The following PALLD variants were observed in gnomAD, a reference collection of about 807,000 sequenced individuals.
PALLD encodes palladin.
In PALLD, 61 loss-of-function variants were observed where a neutral mutation model predicts 123.5. The observed-to-expected ratio is 0.49, with a 90% confidence interval of 0.40 to 0.61. PALLD has a LOEUF of 0.61. Among genes scored for constraint, PALLD ranks in the 20% least tolerant of loss-of-function variants. The probability of loss-of-function intolerance (pLI) is 0.00; values close to 1 mark genes in which losing one functional copy is unlikely to be tolerated. For synonymous variants in PALLD, 465 were observed against 496.4 expected (o/e 0.94, Z 0.84); for missense variants, 1,273 against 1,377.0 (o/e 0.92, Z 1.20).
At chr4:168,732,023 G>T (rs1039994692) in intron 10 of PALLD, among the ~76,000 whole-genome samples, 1 of 152,216 alleles carries the variant, frequency 6.6e-6, no homozygotes, top group Non-Finnish European at 1.5e-5. Context: ...TACTTAACTT[G>T]TCATGCTTTC....
intron 3 of PALLD, among the ~76,000 whole-genome samples, chr4:168,670,605 C>T (rs1401287555): frequency 8.6e-5 from 13 of 150,672 alleles, no homozygotes; most frequent in South Asian, 4.2e-4. Flanking sequence ...CGGTGGCGGG[C>T]GCCTGTAGTC....
chr4:168,684,725 A>T (rs1358229823), intron 5 of PALLD, among the ~76,000 whole-genome samples: 2 of 152,212 alleles, frequency 1.3e-5, no homozygotes, highest in Non-Finnish European at 2.9e-5. Context: ...AGGGTTAATG[A>T]ATAAACTCCA....
chr4:168,547,749 C>A (rs909945909), intron 2 of PALLD, among the ~76,000 whole-genome samples: 3 of 151,770 alleles, frequency 2.0e-5, no homozygotes, highest in Non-Finnish European at 4.4e-5. Context: ...AGATAGAGAC[C>A]ATCCTGGCCA....
intron 2 of PALLD, among the ~76,000 whole-genome samples, chr4:168,534,171 G>A (rs1764877170): frequency 6.6e-6 from 1 of 152,186 alleles, no homozygotes; most frequent in African/African-American, 2.4e-5. Context: ...CCTTAGGGAT[G>A]AGTTTCCAGA....
intron 2 of PALLD, among the ~76,000 whole-genome samples, chr4:168,530,352 A>T (rs1286096699): frequency 6.6e-6 from 1 of 152,174 alleles, no homozygotes; most frequent in Non-Finnish European, 1.5e-5. Context: ...TTGGACATTT[A>T]TAGAACACTC....
chr4:168,887,518 G>A (rs973770625), intron 10 of PALLD, among the ~76,000 whole-genome samples: 3 of 152,182 alleles, frequency 2.0e-5, no homozygotes, highest in Non-Finnish European at 4.4e-5. Flanking sequence ...ACACAGTGGT[G>A]CCTTCTGTCA....
At chr4:168,609,125 G>C (rs895742542) in intron 2 of PALLD, among the ~76,000 whole-genome samples, 1 of 151,962 alleles carries the variant, frequency 6.6e-6, no homozygotes. Context: ...CTGTGGCTCG[G>C]GTCAAGATAC....
chr4:168,544,425 G>A (rs1245602453), intron 2 of PALLD, among the ~76,000 whole-genome samples: 4 of 152,302 alleles, frequency 2.6e-5, no homozygotes, highest in Non-Finnish European at 5.9e-5. Context: ...GTTAATGTGT[G>A]TGTTAATTAC....
chr4:168,517,464 G>A (rs1173380597), intron 2 of PALLD, among the ~76,000 whole-genome samples: 3 of 151,768 alleles, frequency 2.0e-5, no homozygotes, highest in South Asian at 2.1e-4. Context: ...TTTTATAATC[G>A]AAATACAGCA....
intron 10 of PALLD, among the ~76,000 whole-genome samples, chr4:168,804,962 C>T (rs1374396613): frequency 2.6e-5 from 4 of 152,182 alleles, no homozygotes; most frequent in African/African-American, 7.2e-5. Flanking sequence ...AGTTCAAGAC[C>T]AGCCTGGCCA....
intron 17 of PALLD, among the ~76,000 whole-genome samples, chr4:168,920,582 G>A (rs1582200857): frequency 2.0e-5 from 3 of 152,188 alleles, no homozygotes; most frequent in African/African-American, 7.2e-5. Context: ...AAAGCTGGCA[G>A]ATGGCGACCA....
chr4:168,926,796 T>C lies in PALLD; in HGVS notation c.*616T>C, dbSNP rs1762631524. ...AGTTGTACCACAAACAGTACTACAA[T>C]GATTCTGAAGCACAGTGTATTCAGA... On this transcript the variant is annotated 3_prime_UTR_variant, in exon 22 of 22. Coordinates refer to ENST00000505667, the MANE Select transcript of PALLD (RefSeq NM_001166108.2). 4.3e-6 allele frequency: 1 copy of C among 230,158 alleles called. No homozygotes were observed. Among genetic ancestry groups the C allele is most frequent in the African/African-American group, 2.2e-5 (1 of 45,010 alleles). The allele number at this position is 230,158 out of a possible 1,614,324, so 14.3% of individuals were successfully genotyped here. A position where few individuals can be genotyped will look rare whatever the true frequency, so the allele number is the denominator to read the frequency against.
intron 2 of PALLD, among the ~76,000 whole-genome samples, chr4:168,625,502 G>GATAGATATATATATAGATATATATATAT: frequency 4.4e-5 from 5 of 114,430 alleles, no homozygotes; most frequent in Admixed American, 2.1e-4. Flanking sequence ...ATATCCAGGA[G>GATAGATATATATATAGATATATATATAT]ATATATATAT....
chr4:168,743,412 G>A (rs1358068624), intron 10 of PALLD, among the ~76,000 whole-genome samples: 1 of 151,930 alleles, frequency 6.6e-6, no homozygotes, highest in Non-Finnish European at 1.5e-5. Context: ...AATTACTTTC[G>A]AGATTTTTTT....
Position 168,711,699 on chromosome 4 carries a change from A to G in PALLD, c.1740A>G (p.Lys580=). ...ETSSLELASK[K]PSEIQQVNNP... is the part of the protein sequence containing the mutation. ...GTTCCTTGGAGTTGGCTTCAAAGAAACCATCTGAGATCCAGCAGGTGAACA... is the reference window on the plus strand; with the variant it reads ...GTTCCTTGGAGTTGGCTTCAAAGAAGCCATCTGAGATCCAGCAGGTGAACA... The change falls in exon 10 of 22, where the codon AAA becomes AAG. Residue 580 remains lysine (K), a synonymous_variant. Coordinates refer to ENST00000505667, the MANE Select transcript of PALLD (RefSeq NM_001166108.2). The G allele has an allele frequency of 6.2e-7, 1 of 1,614,034 alleles. No homozygotes were observed. The highest frequency in any genetic ancestry group is 1.1e-5 in the South Asian group (1 of 91,070).
intron 10 of PALLD, among the ~76,000 whole-genome samples, chr4:168,827,318 TA>T (rs978232856): frequency 6.6e-6 from 1 of 152,252 alleles, no homozygotes; most frequent in African/African-American, 2.4e-5. Flanking sequence ...CATGATCAGA[TA>T]ATGCATGAGG....
intron 10 of PALLD, among the ~76,000 whole-genome samples, chr4:168,849,009 G>A (rs1224904916): frequency 2.0e-5 from 3 of 152,286 alleles, no homozygotes; most frequent in East Asian, 3.9e-4. Flanking sequence ...CAGGCTGTGA[G>A]AATTTTTTTC....
chr4:168,612,577 T>G (rs1773844715), intron 2 of PALLD, among the ~76,000 whole-genome samples: 2 of 152,192 alleles, frequency 1.3e-5, no homozygotes, highest in African/African-American at 4.8e-5. Context: ...GCATTGTTCT[T>G]TAGGTCGAAA....
chr4:168,875,562 A>G (rs1751637538), intron 10 of PALLD, among the ~76,000 whole-genome samples: 1 of 151,880 alleles, frequency 6.6e-6, no homozygotes, highest in Non-Finnish European at 1.5e-5. Context: ...TCACTGAACC[A>G]CTTAAAAATG....
Sources: allele counts gnomAD v4.1 joint callset (sites outside exome capture counted in the v4.1 genomes callset), GRCh38; gene constraint gnomAD v4.1.1; transcripts MANE v1.5; gene names NCBI Gene and HGNC (gene_info 2026-07-23, HGNC 2026-07-21).